Variants in RORA observed in about 807,000 individuals in gnomAD.
RORA encodes RAR related orphan receptor A.
A neutral mutation model predicts 69.5 loss-of-function variants in RORA; 7 were observed. The ratio of observed to expected loss-of-function variants is 0.10; its 90% confidence interval spans 0.06 to 0.19. The LOEUF (loss-of-function observed/expected upper bound fraction) is 0.19. Among genes scored for constraint, RORA ranks in the 10% least tolerant of loss-of-function variants. The pLI, the probability that RORA is intolerant of heterozygous loss-of-function variation, is 1.00. For missense variants in RORA, 457 were observed against 663.0 expected (o/e 0.69, Z 3.41); for synonymous variants, 261 against 240.8 (o/e 1.08, Z -0.78).
intron 1 of RORA, among the ~76,000 whole-genome samples, chr15:60,831,829 T>C (rs2073045928): frequency 6.6e-6 from 1 of 152,164 alleles, no homozygotes; most frequent in Non-Finnish European, 1.5e-5. Flanking sequence ...TGTGGCTGAT[T>C]AATACTTTTA....
chr15:60,514,247 A>C (rs2141335290), intron 4 of RORA, among the ~76,000 whole-genome samples: 2 of 152,318 alleles, frequency 1.3e-5, no homozygotes, highest in South Asian at 4.1e-4. Context: ...TGTGGTTCAC[A>C]TTTCCTGCAG....
intron 1 of RORA, among the ~76,000 whole-genome samples, chr15:60,952,438 C>T (rs1454382850): frequency 2.1e-5 from 3 of 144,068 alleles, no homozygotes; most frequent in Non-Finnish European, 4.6e-5. Flanking sequence ...AAGCTCTGGC[C>T]AGGGCAATTA....
chr15:60,965,201 C>T (rs931821784), intron 1 of RORA, among the ~76,000 whole-genome samples: 2 of 152,152 alleles, frequency 1.3e-5, no homozygotes, highest in African/African-American at 4.8e-5. Flanking sequence ...CCATCAGCAC[C>T]AGTGGAAGCC....
intron 1 of RORA, among the ~76,000 whole-genome samples, chr15:60,731,465 A>G (rs1490525773): frequency 6.6e-6 from 1 of 152,220 alleles, no homozygotes; most frequent in Non-Finnish European, 1.5e-5. Context: ...AAAATAGAGA[A>G]GATGTACTGA....
At chr15:60,533,799 A>G (rs1229815868) in intron 2 of RORA, among the ~76,000 whole-genome samples, 1 of 152,206 alleles carries the variant, frequency 6.6e-6, no homozygotes, top group Non-Finnish European at 1.5e-5. Context: ...GTTAAACAGA[A>G]TTTATACATG....
chr15:60,705,781 T>A (rs1432326253), intron 1 of RORA, among the ~76,000 whole-genome samples: 1 of 152,222 alleles, frequency 6.6e-6, no homozygotes, highest in Non-Finnish European at 1.5e-5. Context: ...AACTGGGAGA[T>A]AATTTCTCTA....
chr15:61,112,885 C>T (rs1317552838), intron 1 of RORA, among the ~76,000 whole-genome samples: 16 of 152,186 alleles, frequency 1.1e-4, no homozygotes. Context: ...TCCTCCTAGA[C>T]GAGGATGTTG....
chr15:60,962,414 G>A (rs1893440112), intron 1 of RORA, among the ~76,000 whole-genome samples: 1 of 152,184 alleles, frequency 6.6e-6, no homozygotes, highest in Non-Finnish European at 1.5e-5. Context: ...TACTAAGAAG[G>A]TTCTCAGACA....
intron 1 of RORA, among the ~76,000 whole-genome samples, chr15:61,034,881 T>G (rs1896377814): frequency 6.7e-6 from 1 of 149,326 alleles, no homozygotes; most frequent in Admixed American, 6.7e-5. Flanking sequence ...TAAGCTACGA[T>G]CAAGGAGGAA....
At chr15:61,150,792 G>A (rs1438330456) in intron 1 of RORA, among the ~76,000 whole-genome samples, 2 of 151,884 alleles carry the variant, frequency 1.3e-5, no homozygotes, top group African/African-American at 4.8e-5. Context: ...TCTGTTTAAG[G>A]CAATGGTCTG....
intron 1 of RORA, among the ~76,000 whole-genome samples, chr15:60,846,698 C>T (rs1269357580): frequency 6.6e-6 from 1 of 152,214 alleles, no homozygotes; most frequent in Admixed American, 6.5e-5. Context: ...GTCAAGATGC[C>T]AGCCCACCAA....
chr15:61,154,849 TAG>T (rs1180786166), intron 1 of RORA, among the ~76,000 whole-genome samples: 1 of 152,068 alleles, frequency 6.6e-6, no homozygotes, highest in Non-Finnish European at 1.5e-5. Flanking sequence ...GGCTCAAGAA[TAG>T]AGAGTGGGCT....
chr15:60,563,602 T>C (rs2067638273), intron 2 of RORA, among the ~76,000 whole-genome samples: 1 of 152,218 alleles, frequency 6.6e-6, no homozygotes, highest in Non-Finnish European at 1.5e-5. Context: ...ATGGGGATCT[T>C]ACCCACCTAA....
intron 2 of RORA, among the ~76,000 whole-genome samples, chr15:60,578,459 G>T (rs775883547): frequency 6.6e-6 from 1 of 152,156 alleles, no homozygotes; most frequent in Non-Finnish European, 1.5e-5. Context: ...TTTTTCAGGA[G>T]ATAACAGACT....
In RORA at chr15:60,493,172, C is replaced by T. The variant is rs1333815320; in HGVS notation, c.*4283G>A. ...TTTTATTATTATCTTAAAATAATAGCATTGGAAGGACATATGATTTAAACA... is the reference window on the plus strand; with the variant it reads ...TTTTATTATTATCTTAAAATAATAGTATTGGAAGGACATATGATTTAAACA... On this transcript the variant is annotated 3_prime_UTR_variant, in exon 11 of 11. Transcript: ENST00000335670. The T allele has an allele frequency of 6.6e-6, 1 of 151,998 alleles. No homozygotes were observed. The highest frequency in any genetic ancestry group is 1.5e-5 in the Non-Finnish European group (1 of 68,000). The allele number at this position is 151,998 out of a possible 1,614,324, so 9.4% of individuals were successfully genotyped here. A position where few individuals can be genotyped will look rare whatever the true frequency, so the allele number is the denominator to read the frequency against.
intron 1 of RORA, among the ~76,000 whole-genome samples, chr15:60,970,914 GGAGA>G (rs1029624435): frequency 6.6e-6 from 1 of 152,146 alleles, no homozygotes; most frequent in Non-Finnish European, 1.5e-5. Context: ...AATTCAGACA[GGAGA>G]GAGACAGAAA....
intron 1 of RORA, among the ~76,000 whole-genome samples, chr15:60,755,358 C>A (rs1353657175): frequency 6.6e-6 from 1 of 151,952 alleles, no homozygotes; most frequent in Non-Finnish European, 1.5e-5. Flanking sequence ...TGTATATGTG[C>A]CACATTTTCT....
intron 1 of RORA, among the ~76,000 whole-genome samples, chr15:61,012,255 T>C (rs1444641604): frequency 6.6e-6 from 1 of 152,224 alleles, no homozygotes; most frequent in African/African-American, 2.4e-5. Flanking sequence ...GAAGATGATA[T>C]TAAGTATGCA....
At chr15:61,222,365 A>AG (rs1596083313) in intron 1 of RORA, among the ~76,000 whole-genome samples, 2 of 152,244 alleles carry the variant, frequency 1.3e-5, no homozygotes, top group Admixed American at 6.5e-5. Flanking sequence ...CAAATATGTT[A>AG]GGAAAAAAAA....
Sources: gnomAD v4.1 joint callset for allele counts (sites outside exome capture counted in the v4.1 genomes callset) on GRCh38, gnomAD v4.1.1 for gene constraint, MANE v1.5 for transcripts, NCBI Gene and HGNC (gene_info 2026-07-23, HGNC 2026-07-21) for gene names.